Variants in MESD observed in about 807,000 individuals in gnomAD.
MESD encodes the protein mesoderm development LRP chaperone, also known as LRP chaperone MESD.
MESD carries 7 observed loss-of-function variants against 12.9 expected under a neutral mutation model. That is an observed-to-expected ratio of 0.54 (90% confidence interval 0.31 to 1.02). The LOEUF (loss-of-function observed/expected upper bound fraction) is 1.02, where lower values mean the gene tolerates loss of function less well. MESD is among the 50% of genes least tolerant of loss of function. The pLI is 0.05. For missense variants in MESD, 342 were observed against 296.7 expected, an observed-to-expected ratio of 1.15 and a Z score of -1.12; for synonymous variants, 126 against 115.6, an observed-to-expected ratio of 1.09 and a Z score of -0.58.
intron 3 of MESD, among the ~76,000 whole-genome samples, chr15:80,963,693 G>A (rs1229319657): frequency 6.6e-6 from 1 of 152,146 alleles, no homozygotes; most frequent in Non-Finnish European, 1.5e-5. Flanking sequence ...ATCAATAAAT[G>A]TAATCCCTCA....
At chr15:80,982,642 G>A (rs1378236195) in intron 1 of MESD, among the ~76,000 whole-genome samples, 1 of 152,198 alleles carries the variant, frequency 6.6e-6, no homozygotes, top group Non-Finnish European at 1.5e-5. Flanking sequence ...CTAATCTAGG[G>A]TAACAGAAAT....
At position 80,948,749 on chromosome 15, in the gene MESD, C is replaced by T. The variant is rs201839117; in HGVS notation, c.*776G>A. 2,762 of 1,613,148 alleles carry T rather than the reference C, an allele frequency of 1.7e-3. 15 individuals carry two copies. Among genetic ancestry groups the T allele is most frequent in the South Asian group, 8.8e-3 (802 of 91,078 alleles). Reference sequence around the variant, plus strand: ...GAGCCATGGAACGGGGTGGGGCAGCCGTCCTCTCATAGGGCTTTTGCTCAG... The same window carrying T: ...GAGCCATGGAACGGGGTGGGGCAGCTGTCCTCTCATAGGGCTTTTGCTCAG... On this transcript the variant is annotated 3_prime_UTR_variant, in exon 5 of 5. Coordinates refer to the MESD transcript ENST00000561312.
Position 80,948,725 on chromosome 15 carries a change from A to G in MESD, c.*800T>C. On this transcript the variant is annotated 3_prime_UTR_variant, in exon 5 of 5. Transcript: ENST00000561312. ...TGGGCGTGGGGGGCTGGCGATGGGGAGCCATGGAACGGGGTGGGGCAGCCG... is the reference window on the plus strand; with the variant it reads ...TGGGCGTGGGGGGCTGGCGATGGGGGGCCATGGAACGGGGTGGGGCAGCCG... 1.9e-6 allele frequency: 3 copies of G among 1,605,402 alleles called. No individual in the cohort carries two copies. The South Asian group carries it at 3.3e-5, about 18-fold the overall frequency.
rs1006979835 is a variant in MESD at position 80,989,472 on chromosome 15, G to A, written c.213+107C>T. ...TCAGTAAGGATTCAAGGCATGAGTA[G>A]AGGAGGTTAGGGGGTCAGAAAGGTC... is the stretch of plus-strand genomic sequence containing the variant. On this transcript the variant is annotated intron_variant, in intron 1 of 2. Transcript: ENST00000261758. 24 of 1,287,600 alleles carry A rather than the reference G, an allele frequency of 1.9e-5. No homozygotes were observed. In the African/African-American group the frequency reaches 3.2e-4, roughly 17 times the overall value. The allele number at this position is 1,287,600 out of a possible 1,614,324, so 79.8% of individuals were successfully genotyped here.
rs771591040 is a variant in MESD at position 80,989,788 on chromosome 15, C to A, written c.4G>T (p.Ala2Ser). 2.0e-5 allele frequency: 31 copies of A among 1,578,354 alleles called. 1 individual carries two copies. In the South Asian group the frequency reaches 3.2e-4, roughly 17 times the overall value. Residue 2 changes from alanine (A) to serine (S), a missense_variant, in exon 1 of 3, where the codon GCG (alanine) becomes TCG (serine). Transcript: ENST00000261758. M[A>S]ASRWARKAVV... ...GCCTTGCGCGCCCACCTGGAAGCCGCCATTTTCGCTGCGCCGCGCAGCGCC... is the reference window on the plus strand; with the variant it reads ...GCCTTGCGCGCCCACCTGGAAGCCGACATTTTCGCTGCGCCGCGCAGCGCC...
intron 1 of MESD, among the ~76,000 whole-genome samples, chr15:80,984,524 T>C (rs1480385939): frequency 1.3e-5 from 2 of 152,234 alleles, no homozygotes; most frequent in Non-Finnish European, 2.9e-5. Flanking sequence ...ATTCCATTTA[T>C]AGGAAATGTC....
At chr15:80,955,616 CGTGTGT>C (rs536028552) in intron 3 of MESD, among the ~76,000 whole-genome samples, 5 of 144,900 alleles carry the variant, frequency 3.5e-5, no homozygotes, top group African/African-American at 1.3e-4. Flanking sequence ...TGTGTTTGTG[CGTGTGT>C]GTGTGTGTGT....
At chr15:80,949,568 G>A (rs560775458) in intron 4 of MESD, 1 of 164,888 alleles carries the variant, frequency 6.1e-6, no homozygotes, top group South Asian at 1.6e-4. Context: ...TGAGATTCCA[G>A]AAATCTGCTG....
chr15:80,972,760 C>T (rs144079799), downstream of MESD, among the ~76,000 whole-genome samples: 98 of 152,336 alleles, frequency 6.4e-4, no homozygotes, highest in African/African-American at 2.0e-3. Context: ...CAGTGGCTCA[C>T]GCCTGTAATC....
At chr15:80,988,720 T>A (rs1274044679) in intron 1 of MESD, among the ~76,000 whole-genome samples, 4 of 152,184 alleles carry the variant, frequency 2.6e-5, no homozygotes, top group Admixed American at 2.0e-4. Flanking sequence ...TTGGAAGGAA[T>A]CTTAGGACCC....
rs758089005 is a variant in MESD, at chr15:80,982,073, G to A, written c.323C>T (p.Thr108Met). 2.7e-5 allele frequency: 43 copies of A among 1,613,532 alleles called. No individual in the cohort carries two copies. Among genetic ancestry groups the A allele is most frequent in the South Asian group, 2.0e-4 (18 of 91,076 alleles). ...PSKPESILKMTKKGKTLMMFV... is the reference protein window; with the variant it reads ...PSKPESILKMMKKGKTLMMFV... ...CATCATGAGAGTCTTCCCTTTTTTC[G>A]TCATTTTCAATATGCTTTCAGGCTT... Residue 108 changes from threonine (T) to methionine (M), a missense_variant, in exon 2 of 3, where the codon ACG becomes ATG. Coordinates refer to ENST00000261758, the MANE Select transcript of MESD (RefSeq NM_015154.3).
At chr15:80,953,940 C>T (rs886340896) in intron 3 of MESD, among the ~76,000 whole-genome samples, 1 of 152,168 alleles carries the variant, frequency 6.6e-6, no homozygotes, top group African/African-American at 2.4e-5. Context: ...CAGGCAGTCC[C>T]TGAGGTGGCA....
At chr15:80,964,012 C>T (rs574282554) in intron 3 of MESD, among the ~76,000 whole-genome samples, 1 of 152,230 alleles carries the variant, frequency 6.6e-6, no homozygotes, top group African/African-American at 2.4e-5. Flanking sequence ...AAAGGGTATT[C>T]AATTAGGAAA....
intron 3 of MESD, among the ~76,000 whole-genome samples, chr15:80,963,505 AG>A (rs1310363942): frequency 1.3e-5 from 2 of 152,218 alleles, no homozygotes; most frequent in African/African-American, 4.8e-5. Flanking sequence ...CTGATACCAA[AG>A]GCTAGCAGAG....
At chr15:80,955,125 T>TG (rs1176607228) in intron 3 of MESD, among the ~76,000 whole-genome samples, 1 of 149,992 alleles carries the variant, frequency 6.7e-6, no homozygotes, top group African/African-American at 2.5e-5. Context: ...AGCGAGACCT[T>TG]GTCTCTACTA....
intron 3 of MESD, among the ~76,000 whole-genome samples, chr15:80,958,880 C>G (rs1373351054): frequency 6.6e-6 from 1 of 152,158 alleles, no homozygotes; most frequent in Non-Finnish European, 1.5e-5. Flanking sequence ...GGAAAAGCCC[C>G]TAGAGTAGCC....
At position 80,978,908 on chromosome 15, in the gene MESD, T is replaced by TAGGTG. The variant is rs528221446; in HGVS notation, c.*310_*311insCACCT. The TAGGTG allele has an allele frequency of 7.2e-4, 272 of 378,292 alleles. No individual in the cohort carries two copies. In the East Asian group the frequency reaches 0.012, roughly 17 times the overall value. 23.4% of individuals were successfully genotyped at this position (378,292 alleles called of 1,614,324 possible). ...AGCAGGTGCTTGGAGGGGAGTGGAA[T>TAGGTG]CTCAGTAGAGTTGATGACTCACCAA... On this transcript the variant is annotated 3_prime_UTR_variant, in exon 3 of 3. Transcript: ENST00000261758.
At chr15:80,974,759 AAAAC>A (rs1349850449), downstream of MESD, among the ~76,000 whole-genome samples, 4 of 150,642 alleles carry the variant, frequency 2.7e-5, no homozygotes, top group African/African-American at 4.9e-5. Context: ...AGAAAAAAAA[AAAAC>A]AACACTAAGA....
At position 80,979,167 on chromosome 15, in the gene MESD, A is replaced by G. The variant is rs1245896179; in HGVS notation, c.*52T>C. Reference sequence around the variant, plus strand: ...ACCACTCCCACCCCAGGAGCTGGGCAAAGAGCTCTCCACGTCCACCTGTCC... The same window carrying G: ...ACCACTCCCACCCCAGGAGCTGGGCGAAGAGCTCTCCACGTCCACCTGTCC... On this transcript the variant is annotated 3_prime_UTR_variant, in exon 3 of 3. Coordinates refer to ENST00000261758, the MANE Select transcript of MESD (RefSeq NM_015154.3). The G allele has an allele frequency of 1.2e-5, 19 of 1,573,316 alleles. No homozygotes were observed. Among genetic ancestry groups the G allele is most frequent in the Non-Finnish European group, 1.6e-5 (18 of 1,160,334 alleles).
Sources: gnomAD v4.1 joint callset for allele counts (sites outside exome capture counted in the v4.1 genomes callset) on GRCh38, gnomAD v4.1.1 for gene constraint, MANE v1.5 for transcripts, NCBI Gene and HGNC (gene_info 2026-07-23, HGNC 2026-07-21) for gene names.